Variants in AIFM2 observed in about 807,000 individuals in gnomAD.
The protein encoded by AIFM2 is ferroptosis suppressor protein 1.
Under a neutral mutation model 35.7 loss-of-function variants are expected in AIFM2, and 38 were observed. The observed-to-expected ratio is 1.06, with a 90% CI of 0.82 to 1.39. The LOEUF (loss-of-function observed/expected upper bound fraction) is 1.39, where lower values mean the gene tolerates loss of function less well. AIFM2 is among the 40% of genes most tolerant of loss of function. The pLI is 0.00. For synonymous variants in AIFM2, 185 were observed against 203.5 expected, an observed-to-expected ratio of 0.91 and a Z score of 0.77; for missense variants, 476 against 491.2, an observed-to-expected ratio of 0.97 and a Z score of 0.29.
Position 70,117,245 on chromosome 10 carries a change from C to T in AIFM2, c.617-471G>A, listed in dbSNP as rs2072448568. ...GTTACCAAAAGGAGGCTGAGGCAGC[C>T]ATGCGGGCCCTTCACAGGACAGGTG... On this transcript the variant is annotated intron_variant, in intron 6 of 8. Transcript: ENST00000307864. This position sits in a 1 kb window ranked among gnomAD's most constrained non-coding sequence, Gnocchi z 4.7. 6.6e-6 allele frequency among the ~76,000 whole-genome samples: 1 copy of T among 152,222 alleles called. No individual in the cohort carries two copies. The highest frequency in any genetic ancestry group is 1.5e-5 in the Non-Finnish European group (1 of 68,040).
In AIFM2 at chr10:70,112,543, C is replaced by T. The variant is rs1214804779; in HGVS notation, c.*1635G>A. On this transcript the variant is annotated 3_prime_UTR_variant, in exon 9 of 9. Transcript: ENST00000307864. Reference sequence around the variant, plus strand: ...AACCACCAGGGGAACAGCCATCCTCCAATAGAGGCACACGACTCACTTAGG... The same window carrying T: ...AACCACCAGGGGAACAGCCATCCTCTAATAGAGGCACACGACTCACTTAGG... 3 of 152,208 alleles carry T rather than the reference C, an allele frequency of 2.0e-5. No homozygotes were observed. The highest frequency in any genetic ancestry group is 2.9e-5 in the Non-Finnish European group (2 of 68,068). The allele number at this position is 152,208 out of a possible 1,614,324, so 9.4% of individuals were successfully genotyped here.
intron 1 of AIFM2, among the ~76,000 whole-genome samples, chr10:70,126,481 G>A (rs574443951): frequency 6.6e-5 from 10 of 152,296 alleles, no homozygotes; most frequent in African/African-American, 9.6e-5. Flanking sequence ...CCCTCAGGCC[G>A]CTGGAAGGCC....
In AIFM2 at chr10:70,112,422, T is replaced by C. The variant is rs2072385233; in HGVS notation, c.*1756A>G. The C allele has an allele frequency of 1.3e-5, 2 of 152,214 alleles. No individual in the cohort carries two copies. Among genetic ancestry groups the C allele is most frequent in the African/African-American group, 4.8e-5 (2 of 41,456 alleles). The allele number at this position is 152,214 out of a possible 1,614,324, so 9.4% of individuals were successfully genotyped here. On this transcript the variant is annotated 3_prime_UTR_variant, in exon 9 of 9. Coordinates refer to ENST00000307864, the MANE Select transcript of AIFM2 (RefSeq NM_032797.6). ...CCACCTCGCTGGACCCCAGGTCAGA[T>C]AGCACCAGGGCCTGTGTTTCTTAGG...
chr10:70,124,732 T>G (rs1027908647), intron 1 of AIFM2, among the ~76,000 whole-genome samples: 2 of 152,156 alleles, frequency 1.3e-5, no homozygotes, highest in Middle Eastern at 3.2e-3. Context: ...CCAGCAAGCA[T>G]AGGCCACATC....
intron 1 of AIFM2, among the ~76,000 whole-genome samples, chr10:70,132,176 G>C (rs2072633532): frequency 6.6e-6 from 1 of 152,206 alleles, no homozygotes; most frequent in African/African-American, 2.4e-5. Flanking sequence ...ACTCACCGCT[G>C]GTCTTTGTCC....
chr10:70,118,059 T>C, intron 5 of AIFM2, 139 bp from the exon 6 acceptor site: 1 of 642,844 alleles, frequency 1.6e-6, no homozygotes, highest in South Asian at 1.8e-5. Context: ...ATCTGTCCAA[T>C]GCCAGGACCA....
At chr10:70,120,474 C>G in intron 5 of AIFM2, 33 bp downstream of exon 5, 1 of 1,611,902 alleles carries the variant, frequency 6.2e-7, no homozygotes, top group Non-Finnish European at 8.5e-7. Flanking sequence ...AAGCCAACCA[C>G]TTAGAGCTCC....
rs2072499520 is a variant in AIFM2 at position 70,121,134 on chromosome 10, G to A, written c.372C>T (p.Ser124=). 4.3e-6 allele frequency: 7 copies of A among 1,612,552 alleles called. No homozygotes were observed. The East Asian group carries it at 1.6e-4, about 36-fold the overall frequency. ...CATAGGCCTGGATAGCGGCCTGCTG[G>A]CTGGAAACCTCATTAAACTTGCCCG... ...PFPGKFNEVS[S]QQAAIQAYED... Residue 124 remains serine, a synonymous_variant, in exon 4 of 9, where the codon AGC becomes AGT. Coordinates refer to ENST00000307864, the MANE Select transcript of AIFM2 (RefSeq NM_032797.6).
chr10:70,132,072 G>A (rs755052637), intron 1 of AIFM2, among the ~76,000 whole-genome samples: 33 of 151,960 alleles, frequency 2.2e-4, no homozygotes, highest in Non-Finnish European at 4.4e-4. Flanking sequence ...GGAAAGGTAG[G>A]GTGTGTTGAT....
In AIFM2 at chr10:70,114,341, G is replaced by T. The variant is rs750027306; in HGVS notation, c.971-12C>A. ...GAACGTCAGTGCACCTGCAAGCAGA[G>T]ACACAGAAACAACCAGAACCTCACT... is the stretch of plus-strand genomic sequence containing the variant. On this transcript the variant is annotated splice_polypyrimidine_tract_variant and intron_variant, in intron 8 of 8. Transcript: ENST00000307864. 6.2e-7 allele frequency: 1 copy of T among 1,613,828 alleles called. No homozygotes were observed. Among genetic ancestry groups the T allele is most frequent in the South Asian group, 1.1e-5 (1 of 91,044 alleles).
At chr10:70,127,758 C>T (rs560066889) in intron 1 of AIFM2, among the ~76,000 whole-genome samples, 1 of 152,224 alleles carries the variant, frequency 6.6e-6, no homozygotes, top group Non-Finnish European at 1.5e-5. Context: ...CCAAGGAAGG[C>T]AAATTGCTTA....
rs1056151249 is a variant in AIFM2 at position 70,131,967 on chromosome 10, A to G, written c.-14+767T>C. ...CAAACTATATCTGACTCTCTGCCCT[A>G]TGCCTGTCCTCCTACAGGATCATCA... On this transcript the variant is annotated intron_variant, in intron 1 of 8. Coordinates refer to ENST00000307864, the MANE Select transcript of AIFM2 (RefSeq NM_032797.6). The surrounding 1 kb of genome is among the most constrained non-coding windows in gnomAD (Gnocchi z 4.1). Among the ~76,000 whole-genome samples the G allele has an allele frequency of 1.3e-5, 2 of 152,112 alleles. No individual in the cohort carries two copies. Among genetic ancestry groups the G allele is most frequent in the African/African-American group, 4.8e-5 (2 of 41,416 alleles).
At chr10:70,116,052 G>A (rs1008641045) in intron 7 of AIFM2, among the ~76,000 whole-genome samples, 1 of 152,106 alleles carries the variant, frequency 6.6e-6, no homozygotes, top group Non-Finnish European at 1.5e-5. Context: ...TAAATGACAG[G>A]GAATTGAGGA....
rs1589844506 is a variant in AIFM2 at position 70,114,123 on chromosome 10, G to A, written c.*55C>T. On this transcript the variant is annotated 3_prime_UTR_variant, in exon 9 of 9. Transcript: ENST00000307864. ...AGCACTTGCCAGGCGGGTGCCATGC[G>A]CCAAGCAGTCCGTACGCCCACCTGC... 9.6e-6 allele frequency: 15 copies of A among 1,562,470 alleles called. No individual in the cohort carries two copies. Among genetic ancestry groups the A allele is most frequent in the Middle Eastern group, 1.7e-4 (1 of 5,880 alleles).
chr10:70,122,993 C>T (rs928587999), intron 3 of AIFM2, among the ~76,000 whole-genome samples: 9 of 152,162 alleles, frequency 5.9e-5, no homozygotes, highest in East Asian at 1.9e-4. Context: ...CAGCACCAGG[C>T]AGGGCTTGGG....
intron 1 of AIFM2, among the ~76,000 whole-genome samples, chr10:70,130,151 C>G (rs1426154354): frequency 6.6e-6 from 1 of 152,154 alleles, no homozygotes; most frequent in South Asian, 2.1e-4. Flanking sequence ...CCACTGCACT[C>G]TAGCCTGGGC....
At chr10:70,126,707 T>TC (rs1476127463) in intron 1 of AIFM2, among the ~76,000 whole-genome samples, 4 of 152,202 alleles carry the variant, frequency 2.6e-5, no homozygotes, top group African/African-American at 9.7e-5. Flanking sequence ...TGGTTAGAAC[T>TC]CCGGGCACTG....
intron 3 of AIFM2, among the ~76,000 whole-genome samples, chr10:70,121,786 A>T (rs947947929): frequency 5.7e-5 from 8 of 140,796 alleles, no homozygotes; most frequent in Non-Finnish European, 8.9e-5. Flanking sequence ...TAATTTTTTT[A>T]AATTAAAAAT....
chr10:70,123,405 C>G lies in AIFM2; in HGVS notation c.294G>C (p.Glu98Asp). ...KNQMVLLQGG[E>D]ALPFSHLILA... ...GGCAGCCGGGCTGGCCCTCACTCAC[C>G]TCGCCACCCTGCAGCAGCACCATCT... The change falls in exon 3 of 9, where the codon GAG becomes GAC. Residue 98 changes from glutamate (E) to aspartate (D), a missense_variant and splice_region_variant. Physicochemically the swap from Glu to Asp is conservative, Grantham distance 45 (BLOSUM62 2). Coordinates refer to ENST00000307864, the MANE Select transcript of AIFM2 (RefSeq NM_032797.6). 1 of 1,613,842 alleles carries G rather than the reference C, an allele frequency of 6.2e-7. No individual in the cohort carries two copies. Among genetic ancestry groups the G allele is most frequent in the Non-Finnish European group, 8.5e-7 (1 of 1,179,830 alleles).
Sources: gnomAD v4.1 joint callset for allele counts (sites outside exome capture counted in the v4.1 genomes callset) on GRCh38, gnomAD v4.1.1 for gene constraint, Gnocchi (gnomAD v3.1) non-coding constraint, MANE v1.5 for transcripts, NCBI Gene and HGNC (gene_info 2026-07-23, HGNC 2026-07-21) for gene names.